Variants in CSMD1 observed in about 807,000 individuals in gnomAD.
CSMD1 encodes the protein CUB and sushi domain-containing protein 1.
A neutral mutation model predicts 417.5 loss-of-function variants in CSMD1; 213 were observed. That is an observed-to-expected ratio of 0.51 (90% CI 0.46 to 0.57). The LOEUF (loss-of-function observed/expected upper bound fraction) is 0.57. Ranked by LOEUF, CSMD1 falls within the 20% of genes least tolerant of loss-of-function variation. CSMD1 has a pLI of 0.00. For synonymous variants in CSMD1, 2,862 were observed against 1,736.8 expected (o/e 1.65, Z -16.11); for missense variants, 6,923 against 4,529.7 (o/e 1.53, Z -15.17).
chr8:4,277,063 C>A (rs911563130), intron 3 of CSMD1, among the ~76,000 whole-genome samples: 1 of 152,068 alleles, frequency 6.6e-6, no homozygotes, highest in Admixed American at 6.6e-5. Context: ...ATCCATTTTA[C>A]AATGTTGTGT....
At chr8:4,432,568 T>G (rs994257907) in intron 2 of CSMD1, among the ~76,000 whole-genome samples, 3 of 152,138 alleles carry the variant, frequency 2.0e-5, no homozygotes, top group African/African-American at 4.8e-5. Context: ...CCTTATGACT[T>G]AAAGACAGGC....
intron 1 of CSMD1, among the ~76,000 whole-genome samples, chr8:4,742,883 C>T (rs886666704): frequency 4.1e-4 from 62 of 152,116 alleles, no homozygotes; most frequent in African/African-American, 1.4e-3. Context: ...TTATAAGAGA[C>T]ATGTCTATCA....
At chr8:3,103,369 G>T (rs1815895818) in intron 46 of CSMD1, among the ~76,000 whole-genome samples, 1 of 152,014 alleles carries the variant, frequency 6.6e-6, no homozygotes. Context: ...CACCCAGATG[G>T]TACAGCCTGC....
chr8:4,347,448 G>C (rs1039478857), intron 3 of CSMD1, among the ~76,000 whole-genome samples: 3 of 152,030 alleles, frequency 2.0e-5, no homozygotes, highest in East Asian at 1.9e-4. Context: ...ACACACACAA[G>C]AGCTTATACC....
chr8:3,086,991 T>C (rs995847926), intron 49 of CSMD1, 106 bp downstream of exon 49: 12 of 1,049,734 alleles, frequency 1.1e-5, no homozygotes, highest in African/African-American at 4.7e-5. Flanking sequence ...CATTCAATTT[T>C]TCCTTACCTT....
At chr8:4,467,561 T>TGC (rs1800258597) in intron 2 of CSMD1, among the ~76,000 whole-genome samples, 1 of 152,210 alleles carries the variant, frequency 6.6e-6, no homozygotes, top group East Asian at 1.9e-4. Context: ...TGAAAAATTG[T>TGC]TATTTTAAGA....
rs143915809 is a variant in CSMD1, at chr8:4,308,391, G to A, written c.415+111562C>T. ...GTGTGTTCTGTGCACAGTCTGTGGT[G>A]TATTCGTGCATGTGTGTGTGTGTTA... On this transcript the variant is annotated intron_variant, in intron 3 of 69. Transcript: ENST00000635120. 8.6e-5 allele frequency among the ~76,000 whole-genome samples: 13 copies of A among 151,858 alleles called. No homozygotes were observed. In the East Asian group the frequency reaches 2.3e-3, roughly 27 times the overall value.
chr8:4,796,913 C>A lies in CSMD1; in HGVS notation c.86-159355G>T, dbSNP rs570671230. On this transcript the variant is annotated intron_variant, in intron 1 of 69. Transcript: ENST00000635120. ...CTGAAACGCTATGGACACATTAGGT[C>A]TCTGAGTGTGGCTGCATGGAGGGGG... 1.7e-4 allele frequency among the ~76,000 whole-genome samples: 26 copies of A among 152,288 alleles called. No homozygotes were observed. In the East Asian group the frequency reaches 3.1e-3, roughly 18 times the overall value.
chr8:3,065,048 T>C (rs1812829299), intron 49 of CSMD1, among the ~76,000 whole-genome samples: 1 of 152,208 alleles, frequency 6.6e-6, no homozygotes, highest in East Asian at 1.9e-4. Flanking sequence ...ACTTTTTACT[T>C]AATGGAAAAA....
At chr8:3,122,642 G>C (rs139042900) in intron 41 of CSMD1, among the ~76,000 whole-genome samples, 3 of 152,122 alleles carry the variant, frequency 2.0e-5, no homozygotes, top group South Asian at 2.1e-4. Context: ...TGAGTCTCAC[G>C]AGAGCTGATG....
intron 3 of CSMD1, among the ~76,000 whole-genome samples, chr8:4,082,831 T>C (rs981284858): frequency 7.0e-6 from 1 of 143,466 alleles, no homozygotes; most frequent in African/African-American, 2.6e-5. Flanking sequence ...ATTCTCATTA[T>C]TCAATTTCCA....
intron 2 of CSMD1, among the ~76,000 whole-genome samples, chr8:4,527,477 T>C (rs1461186405): frequency 6.6e-6 from 1 of 152,154 alleles, no homozygotes; most frequent in African/African-American, 2.4e-5. Flanking sequence ...AGTTGGTGAG[T>C]TGTCAGTGTC....
intron 5 of CSMD1, among the ~76,000 whole-genome samples, chr8:3,905,482 C>T (rs1040132840): frequency 1.3e-5 from 2 of 152,186 alleles, no homozygotes; most frequent in African/African-American, 4.8e-5. Flanking sequence ...GGTGACTTTC[C>T]TACGTGTGAA....
chr8:4,316,629 T>C (rs777460992), intron 3 of CSMD1, among the ~76,000 whole-genome samples: 6 of 151,902 alleles, frequency 3.9e-5, no homozygotes, highest in Non-Finnish European at 1.5e-5. Flanking sequence ...TGACAGAAGG[T>C]GAACGACAAT....
chr8:4,047,900 A>C (rs1798231297), intron 3 of CSMD1, among the ~76,000 whole-genome samples: 1 of 152,174 alleles, frequency 6.6e-6, no homozygotes, highest in Non-Finnish European at 1.5e-5. Context: ...CTTTAGTTTG[A>C]TTTTATGTAG....
rs867296460 is a variant in CSMD1, at chr8:4,770,029, G to A, written c.86-132471C>T. 1.6e-3 allele frequency among the ~76,000 whole-genome samples: 238 copies of A among 151,814 alleles called. 1 individual carries two copies. The highest frequency in any genetic ancestry group is 5.6e-3 in the African/African-American group (232 of 41,388). On this transcript the variant is annotated intron_variant, in intron 1 of 69. Transcript: ENST00000635120. Reference sequence around the variant, plus strand: ...CAGAAAGACATTATTCTGTTACTCCGGTTCCTTTCTCCCATTCAGGAAATA... The same window carrying A: ...CAGAAAGACATTATTCTGTTACTCCAGTTCCTTTCTCCCATTCAGGAAATA...
intron 1 of CSMD1, among the ~76,000 whole-genome samples, chr8:4,881,755 C>T (rs1803417368): frequency 1.3e-5 from 2 of 151,902 alleles, no homozygotes; most frequent in South Asian, 4.1e-4. Context: ...TTAGAGACCA[C>T]ACTGTTGACA....
At chr8:3,498,068 A>G (rs1796441034) in intron 10 of CSMD1, among the ~76,000 whole-genome samples, 2 of 152,096 alleles carry the variant, frequency 1.3e-5, no homozygotes, top group Non-Finnish European at 2.9e-5. Flanking sequence ...TGCTGGGTAT[A>G]GTATTCTTGG....
chr8:3,961,572 T>C (rs186540073), intron 5 of CSMD1, among the ~76,000 whole-genome samples: 6 of 152,334 alleles, frequency 3.9e-5, no homozygotes, highest in African/African-American at 7.2e-5. Flanking sequence ...ACTAAAGGTA[T>C]CTATAAAAAC....
Sources: allele counts gnomAD v4.1 joint callset (sites outside exome capture counted in the v4.1 genomes callset), GRCh38; gene constraint gnomAD v4.1.1; transcripts MANE v1.5; gene names NCBI Gene and HGNC (gene_info 2026-07-23, HGNC 2026-07-21).